Variants in TSPAN14 observed in about 807,000 individuals in gnomAD.
TSPAN14 encodes the protein tetraspanin 14.
Under a neutral mutation model 36.6 loss-of-function variants are expected in TSPAN14, and 16 were observed. That is an observed-to-expected ratio of 0.44 (90% confidence interval 0.30 to 0.66). The LOEUF is 0.66. Ranked by LOEUF, TSPAN14 falls within the 30% of genes least tolerant of loss-of-function variation. TSPAN14 has a pLI of 0.12. For missense variants in TSPAN14, 231 were observed against 355.1 expected (o/e 0.65, Z 2.81); for synonymous variants, 139 against 143.8 (o/e 0.97, Z 0.24).
rs77364893 is a variant in TSPAN14 at position 80,507,096 on chromosome 10, G to A, written c.133-132G>A. The A allele has an allele frequency of 3.2e-3, 3,942 of 1,223,944 alleles. 95 individuals are homozygous for A. The African/African-American group carries it at 0.053, about 16-fold the overall frequency. The allele number at this position is 1,223,944 out of a possible 1,614,324, so 75.8% of individuals were successfully genotyped here. A position where few individuals can be genotyped will look rare whatever the true frequency, so the allele number is the denominator to read the frequency against. ...AGGGCATGGATGGGGCCGGACTCTGGCCTGGCTGTCAACAAGAGGGCTGAG... is the reference window on the plus strand; with the variant it reads ...AGGGCATGGATGGGGCCGGACTCTGACCTGGCTGTCAACAAGAGGGCTGAG... On this transcript the variant is annotated intron_variant, in intron 3 of 8. Transcript: ENST00000429989.
At chr10:80,489,558 G>A (rs556363304) in intron 2 of TSPAN14, among the ~76,000 whole-genome samples, 222 of 152,364 alleles carry the variant, frequency 1.5e-3, no homozygotes, top group African/African-American at 5.0e-3. Context: ...AAGCCTTGGG[G>A]CTCTGGCCCA....
chr10:80,521,136 C>T (rs1047370355), exon 9 of TSPAN14: 2 of 283,226 alleles, frequency 7.1e-6, no homozygotes, highest in African/African-American at 4.4e-5. Flanking sequence ...AGGTGGCAGG[C>T]ATGCATGTGA....
chr10:80,502,206 G>C (rs1848559108), intron 2 of TSPAN14, among the ~76,000 whole-genome samples: 1 of 152,228 alleles, frequency 6.6e-6, no homozygotes, highest in Non-Finnish European at 1.5e-5. Context: ...GAATGTCAGG[G>C]TGGCCCAGGG....
chr10:80,482,435 C>T (rs892048985), intron 1 of TSPAN14, among the ~76,000 whole-genome samples: 1 of 149,668 alleles, frequency 6.7e-6, no homozygotes, highest in Admixed American at 6.6e-5. Flanking sequence ...TACAGGCGCC[C>T]GCCACCACGC....
At chr10:80,507,984 A>G (rs1258464077) in intron 4 of TSPAN14, among the ~76,000 whole-genome samples, 2 of 151,980 alleles carry the variant, frequency 1.3e-5, no homozygotes, top group Non-Finnish European at 2.9e-5. Flanking sequence ...AAGCAAAACT[A>G]TGGGCTTTTT....
intron 5 of TSPAN14, 61 bp from the exon 6 acceptor site, chr10:80,512,083 A>G (rs1840686080): frequency 1.9e-6 from 3 of 1,610,910 alleles, no homozygotes; most frequent in African/African-American, 2.7e-5. Flanking sequence ...ATGATGCCCT[A>G]TGCTGGGCAG....
rs554010646 is a variant in TSPAN14, at chr10:80,496,129, A to G, written c.81+6815A>G. The stretch of plus-strand genomic sequence containing the variant: ...TAACAGAACATTTGTTATTAAAACC[A>G]TTTAAGTGTATAGTTCATTGGCGTT... On this transcript the variant is annotated intron_variant, in intron 2 of 8. Transcript: ENST00000429989. Among the ~76,000 whole-genome samples, 7 of 152,344 alleles carry G rather than the reference A, an allele frequency of 4.6e-5. No individual in the cohort carries two copies. The South Asian group carries it at 1.2e-3, about 27-fold the overall frequency.
intron 1 of TSPAN14, among the ~76,000 whole-genome samples, chr10:80,465,704 T>G (rs925597083): frequency 6.6e-6 from 1 of 152,218 alleles, no homozygotes; most frequent in East Asian, 1.9e-4. Context: ...CTCCGGGTCT[T>G]TGGCAGAAAA....
At chr10:80,507,195 C>T (rs976888117) in intron 3 of TSPAN14, 33 bp from the exon 4 acceptor site, 1 of 1,613,846 alleles carries the variant, frequency 6.2e-7, no homozygotes, top group Non-Finnish European at 8.5e-7. Flanking sequence ...CCCTTCTGGG[C>T]CAGTGCTGCC....
intron 5 of TSPAN14, among the ~76,000 whole-genome samples, 170 bp from the exon 6 acceptor site, chr10:80,511,974 G>T (rs1840679110): frequency 6.6e-6 from 1 of 152,018 alleles, no homozygotes; most frequent in African/African-American, 2.4e-5. Context: ...AGGGCTGCCT[G>T]GGTTGCCAGC....
Position 80,491,300 on chromosome 10 carries a change from A to T in TSPAN14, c.81+1986A>T, listed in dbSNP as rs148872094. 4.9e-3 allele frequency among the ~76,000 whole-genome samples: 751 copies of T among 152,210 alleles called. 4 individuals carry two copies. Among genetic ancestry groups the T allele is most frequent in the Middle Eastern group, 0.014 (4 of 294 alleles). ...AGTCCATGCTCCATCCTCATGATGT[A>T]TGGCTTCTCAGAGCAGCATTGTTCC... On this transcript the variant is annotated intron_variant, in intron 2 of 8. Transcript: ENST00000429989.
At chr10:80,516,075 T>A (rs1434482787) in intron 7 of TSPAN14, 129 bp from the exon 8 acceptor site, 24 of 1,439,872 alleles carry the variant, frequency 1.7e-5, no homozygotes, top group Non-Finnish European at 2.2e-5. Flanking sequence ...TGGAGAGTCC[T>A]CCTTGCCTGC....
chr10:80,479,432 C>T (rs966050011), intron 1 of TSPAN14, among the ~76,000 whole-genome samples: 1 of 152,228 alleles, frequency 6.6e-6, no homozygotes, highest in South Asian at 2.1e-4. Context: ...TTAGGTCTAA[C>T]GTTTAAGTCT....
chr10:80,475,730 G>A (rs1240323501), intron 1 of TSPAN14, among the ~76,000 whole-genome samples: 7 of 152,162 alleles, frequency 4.6e-5, no homozygotes, highest in African/African-American at 1.7e-4. Context: ...AGGATTATAG[G>A]CGCCTGCCAC....
exon 9 of TSPAN14, chr10:80,519,930 A>T (rs894889371): frequency 6.6e-6 from 1 of 151,580 alleles, no homozygotes; most frequent in Admixed American, 6.6e-5. Context: ...TCAACTCCAT[A>T]GGTCTAGAGG....
intron 1 of TSPAN14, among the ~76,000 whole-genome samples, chr10:80,484,481 C>T (rs1847485376): frequency 6.6e-6 from 1 of 152,088 alleles, no homozygotes. Flanking sequence ...CCACACCCAG[C>T]TAATTTTTGT....
chr10:80,507,527 T>C (rs1462706773), intron 4 of TSPAN14, among the ~76,000 whole-genome samples, 153 bp downstream of exon 4: 4 of 152,226 alleles, frequency 2.6e-5, no homozygotes, highest in Non-Finnish European at 5.9e-5. Flanking sequence ...ATTTGCACTC[T>C]ACTGTCTAGA....
intron 1 of TSPAN14, among the ~76,000 whole-genome samples, chr10:80,475,802 G>C (rs1846840837): frequency 6.6e-6 from 1 of 152,190 alleles, no homozygotes; most frequent in Admixed American, 6.5e-5. Context: ...GGCCAGGCCA[G>C]TCTTGGACTC....
exon 9 of TSPAN14, chr10:80,522,521 A>T (rs914313140): frequency 2.6e-5 from 4 of 151,718 alleles, no homozygotes; most frequent in African/African-American, 4.8e-5. Flanking sequence ...AAATAAAATT[A>T]AAAAAAAACT....
Sources: gnomAD v4.1 joint callset for allele counts (sites outside exome capture counted in the v4.1 genomes callset) on GRCh38, gnomAD v4.1.1 for gene constraint, MANE v1.5 for transcripts, NCBI Gene and HGNC (gene_info 2026-07-23, HGNC 2026-07-21) for gene names.